The following CDK14 variants were observed in gnomAD, a reference collection of about 807,000 sequenced individuals.
The protein encoded by CDK14 is cyclin-dependent kinase 14.
A neutral mutation model predicts 60.7 loss-of-function variants in CDK14; 34 were observed. The observed-to-expected ratio is 0.56, with a 90% confidence interval of 0.43 to 0.75. The LOEUF (loss-of-function observed/expected upper bound fraction) is 0.75, where lower values mean the gene tolerates loss of function less well. Ranked by LOEUF, CDK14 falls within the 30% of genes least tolerant of loss-of-function variation. The probability of loss-of-function intolerance (pLI) is 0.00; values close to 1 mark genes in which losing one functional copy is unlikely to be tolerated. For missense variants in CDK14, 482 were observed against 564.1 expected (o/e 0.85, Z 1.47); for synonymous variants, 197 against 203.7 (o/e 0.97, Z 0.28).
At chr7:90,731,522 G>T (rs2116732322) in intron 3 of CDK14, among the ~76,000 whole-genome samples, 1 of 152,262 alleles carries the variant, frequency 6.6e-6, no homozygotes, top group East Asian at 1.9e-4. Context: ...TCTTTCAGCA[G>T]TGGTTTGTAG....
Position 91,209,496 on chromosome 7 carries a change from C to T in CDK14, c.*2360C>T, listed in dbSNP as rs1424895440. ...TATTTGCAATCATATTCTCCCTCTG[C>T]TTCTTTTCTCTTCTGCCCTCCTTGT... On this transcript the variant is annotated 3_prime_UTR_variant, in exon 15 of 15. Transcript: ENST00000380050. 1 of 152,360 alleles carries T rather than the reference C, an allele frequency of 6.6e-6. No individual in the cohort carries two copies. Among genetic ancestry groups the T allele is most frequent in the Non-Finnish European group, 1.5e-5 (1 of 68,002 alleles). The allele number at this position is 152,360 out of a possible 1,614,324, so 9.4% of individuals were successfully genotyped here.
chr7:90,768,141 CTCGT>C (rs1359739740), intron 4 of CDK14, among the ~76,000 whole-genome samples: 2 of 152,178 alleles, frequency 1.3e-5, no homozygotes, highest in Non-Finnish European at 2.9e-5. Flanking sequence ...TAAAAAAGGG[CTCGT>C]TTAATTAGTA....
At chr7:90,994,485 G>T (rs925060666) in intron 10 of CDK14, among the ~76,000 whole-genome samples, 5 of 152,180 alleles carry the variant, frequency 3.3e-5, no homozygotes, top group African/African-American at 9.7e-5. Context: ...GATCCCATTT[G>T]TACATAAGAA....
chr7:90,929,115 G>A (rs1011920263), intron 8 of CDK14, among the ~76,000 whole-genome samples: 1 of 152,148 alleles, frequency 6.6e-6, no homozygotes, highest in Admixed American at 6.5e-5. Flanking sequence ...CCATTTTCTC[G>A]ATTTTCTGTC....
chr7:90,904,704 A>G (rs1312578061), intron 7 of CDK14, among the ~76,000 whole-genome samples: 1 of 152,180 alleles, frequency 6.6e-6, no homozygotes, highest in East Asian at 1.9e-4. Context: ...TTTCAAATGT[A>G]TAGGATTGAG....
At chr7:90,729,001 A>G (rs564136010) in intron 3 of CDK14, among the ~76,000 whole-genome samples, 2 of 151,636 alleles carry the variant, frequency 1.3e-5, no homozygotes, top group Non-Finnish European at 2.9e-5. Context: ...GAAGGGACTG[A>G]GGACCCTTCA....
chr7:90,793,978 A>G (rs1805939530), intron 5 of CDK14, among the ~76,000 whole-genome samples: 1 of 152,170 alleles, frequency 6.6e-6, no homozygotes, highest in African/African-American at 2.4e-5. Context: ...ACGATATTCA[A>G]CATGAGTCCT....
At chr7:91,141,665 T>C (rs1251040766) in intron 14 of CDK14, among the ~76,000 whole-genome samples, 1 of 152,102 alleles carries the variant, frequency 6.6e-6, no homozygotes, top group African/African-American at 2.4e-5. Flanking sequence ...TTCTCCATGA[T>C]GCCGAGCCAG....
At chr7:91,038,502 T>G (rs150841210) in intron 10 of CDK14, among the ~76,000 whole-genome samples, 90 of 152,304 alleles carry the variant, frequency 5.9e-4, no homozygotes, top group African/African-American at 2.1e-3. Context: ...AAGCCTACAG[T>G]GCTATAATGG....
chr7:90,856,312 G>C (rs1195386289), intron 5 of CDK14, among the ~76,000 whole-genome samples: 1 of 152,120 alleles, frequency 6.6e-6, no homozygotes, highest in Non-Finnish European at 1.5e-5. Context: ...ACATATGTGT[G>C]TATAAAGAAT....
At chr7:91,019,606 A>AT (rs778891894) in intron 10 of CDK14, among the ~76,000 whole-genome samples, 18 of 152,100 alleles carry the variant, frequency 1.2e-4, no homozygotes, top group Non-Finnish European at 2.2e-4. Flanking sequence ...TGTATAATAT[A>AT]TTTTTTTGTA....
intron 8 of CDK14, among the ~76,000 whole-genome samples, chr7:90,945,480 C>A (rs190333706): frequency 6.6e-6 from 1 of 152,298 alleles, no homozygotes; most frequent in Admixed American, 6.5e-5. Flanking sequence ...AATTTCACTA[C>A]TCCTCCGGGG....
intron 14 of CDK14, among the ~76,000 whole-genome samples, chr7:91,121,271 T>A (rs1799774094): frequency 6.6e-6 from 1 of 152,230 alleles, no homozygotes; most frequent in Non-Finnish European, 1.5e-5. Flanking sequence ...AATGTCCCAA[T>A]TCTTTGTAAT....
intron 14 of CDK14, among the ~76,000 whole-genome samples, chr7:91,185,492 A>G (rs920439979): frequency 6.6e-6 from 1 of 152,090 alleles, no homozygotes; most frequent in Non-Finnish European, 1.5e-5. Flanking sequence ...ATATAGAACT[A>G]CTTTCCATTA....
chr7:90,597,755 A>T (rs1799225189), intron 1 of CDK14, among the ~76,000 whole-genome samples: 1 of 152,270 alleles, frequency 6.6e-6, no homozygotes, highest in Admixed American at 6.5e-5. Flanking sequence ...AGTGTTACAG[A>T]TATCCTTCCA....
At chr7:91,169,061 T>G (rs1431113402) in intron 14 of CDK14, among the ~76,000 whole-genome samples, 3 of 152,248 alleles carry the variant, frequency 2.0e-5, no homozygotes, top group Non-Finnish European at 4.4e-5. Context: ...GTTCATCTTG[T>G]GGATAATAAA....
At chr7:91,123,089 C>G (rs1178407229) in intron 14 of CDK14, among the ~76,000 whole-genome samples, 1 of 152,226 alleles carries the variant, frequency 6.6e-6, no homozygotes, top group Non-Finnish European at 1.5e-5. Context: ...CAGAGAGAAA[C>G]TCCAGTTCTG....
intron 5 of CDK14, among the ~76,000 whole-genome samples, chr7:90,806,201 A>T (rs1198655077): frequency 6.6e-6 from 1 of 152,220 alleles, no homozygotes; most frequent in Non-Finnish European, 1.5e-5. Context: ...AATCTGGTAG[A>T]AAATTTTGTG....
At chr7:91,117,999 T>A (rs867818828) in intron 13 of CDK14, 66 bp from the exon 14 acceptor site, 91 of 851,498 alleles carry the variant, frequency 1.1e-4, no homozygotes, top group South Asian at 1.1e-3. Context: ...TCCATTTTTT[T>A]AAAAAAAAAA....
Sources: allele counts gnomAD v4.1 joint callset (sites outside exome capture counted in the v4.1 genomes callset), GRCh38; gene constraint gnomAD v4.1.1; transcripts MANE v1.5; gene names NCBI Gene and HGNC (gene_info 2026-07-23, HGNC 2026-07-21).